PPP4R4: variants seen among roughly 807,000 people sequenced by gnomAD.
The protein encoded by PPP4R4 is protein phosphatase 4 regulatory subunit 4, also known as serine/threonine-protein phosphatase 4 regulatory subunit 4.
Under a neutral mutation model 121.8 loss-of-function variants are expected in PPP4R4, and 70 were observed. The observed-to-expected ratio is 0.57, with a 90% CI of 0.47 to 0.70. PPP4R4 has a LOEUF of 0.70. Among genes scored for constraint, PPP4R4 ranks in the 30% least tolerant of loss-of-function variants. The probability of loss-of-function intolerance (pLI) is 0.00; values close to 1 mark genes in which losing one functional copy is unlikely to be tolerated. For missense variants in PPP4R4, 875 were observed against 1,033.6 expected (o/e 0.85, Z 2.10); for synonymous variants, 348 against 355.7 (o/e 0.98, Z 0.24).
chr14:94,269,629 C>T (rs776297065), intron 23 of PPP4R4, among the ~76,000 whole-genome samples: 12 of 150,262 alleles, frequency 8.0e-5, no homozygotes, highest in Admixed American at 7.3e-4. Flanking sequence ...TGCAGTGAGC[C>T]GGGAGAGAGA....
At chr14:94,248,822 C>T (rs1394959565) in intron 14 of PPP4R4, among the ~76,000 whole-genome samples, 1 of 152,094 alleles carries the variant, frequency 6.6e-6, no homozygotes, top group Non-Finnish European at 1.5e-5. Context: ...AATGTAAAGA[C>T]AGGATGAATT....
intron 7 of PPP4R4, 82 bp from the exon 8 acceptor site, chr14:94,237,483 C>T (rs1468746770): frequency 4.5e-6 from 6 of 1,325,806 alleles, no homozygotes; most frequent in Non-Finnish European, 6.3e-6. Flanking sequence ...TCTGCAGCAA[C>T]TAGCCCAGTC....
intron 14 of PPP4R4, among the ~76,000 whole-genome samples, chr14:94,248,886 G>C (rs1893033972): frequency 6.6e-6 from 1 of 152,176 alleles, no homozygotes; most frequent in Admixed American, 6.5e-5. Context: ...TGGCGTAGTA[G>C]CTATTTTTAA....
intron 2 of PPP4R4, among the ~76,000 whole-genome samples, chr14:94,184,293 T>C (rs560573553): frequency 6.6e-6 from 1 of 152,212 alleles, no homozygotes; most frequent in Admixed American, 6.5e-5. Context: ...ACGGTCTTGC[T>C]CTGTTCCCAG....
At chr14:94,192,609 A>T (rs1889659248) in intron 2 of PPP4R4, among the ~76,000 whole-genome samples, 1 of 152,176 alleles carries the variant, frequency 6.6e-6, no homozygotes, top group Non-Finnish European at 1.5e-5. Context: ...TTTGGATTTT[A>T]AGTGAGAGCT....
rs147710375 is a variant in PPP4R4, at chr14:94,242,153, T to C, written c.1147-136T>C. On this transcript the variant is annotated intron_variant, in intron 10 of 24. Transcript: ENST00000304338. Reference sequence around the variant, plus strand: ...TCAGAATAATAGACACATATTTGGATCTTCCAAATATGATTTTTAGTTAAA... The same window carrying C: ...TCAGAATAATAGACACATATTTGGACCTTCCAAATATGATTTTTAGTTAAA... 52 of 1,221,312 alleles carry C rather than the reference T, an allele frequency of 4.3e-5. No homozygotes were observed. The African/African-American group carries it at 5.2e-4, about 12-fold the overall frequency. The allele number at this position is 1,221,312 out of a possible 1,614,324, so 75.7% of individuals were successfully genotyped here. A position where few individuals can be genotyped will look rare whatever the true frequency, so the allele number is the denominator to read the frequency against.
At chr14:94,174,930 C>CG (rs1477888142) in intron 1 of PPP4R4, among the ~76,000 whole-genome samples, 1 of 148,526 alleles carries the variant, frequency 6.7e-6, no homozygotes, top group Non-Finnish European at 1.5e-5. Flanking sequence ...CTCCAGCCCT[C>CG]GGGGCAGCCC....
chr14:94,244,721 T>C lies in PPP4R4; in HGVS notation c.1344+9T>C. The C allele has an allele frequency of 6.7e-7, 1 of 1,485,106 alleles. No individual in the cohort carries two copies. The highest frequency in any genetic ancestry group is 9.1e-7 in the Non-Finnish European group (1 of 1,102,330). 92.0% of individuals were successfully genotyped at this position (1,485,106 alleles called of 1,614,324 possible). A position where few individuals can be genotyped will look rare whatever the true frequency, so the allele number is the denominator to read the frequency against. On this transcript the variant is annotated intron_variant, in intron 12 of 24. Coordinates refer to ENST00000304338, the MANE Select transcript of PPP4R4 (RefSeq NM_058237.2). ...AAGATGAATCACTGGAGGTAATATTTTCTTACTCTTTGATTTTTAATTCTT... is the reference window on the plus strand; with the variant it reads ...AAGATGAATCACTGGAGGTAATATTCTCTTACTCTTTGATTTTTAATTCTT...
intron 2 of PPP4R4, among the ~76,000 whole-genome samples, chr14:94,194,248 G>T (rs1889747492): frequency 6.6e-6 from 1 of 152,154 alleles, no homozygotes; most frequent in Non-Finnish European, 1.5e-5. Context: ...GTACAGATTA[G>T]ATGATTAACC....
chr14:94,207,710 C>A (rs1318168435), intron 2 of PPP4R4, among the ~76,000 whole-genome samples: 3 of 150,286 alleles, frequency 2.0e-5, no homozygotes, highest in Admixed American at 6.7e-5. Context: ...ATCTATCTAT[C>A]TATATATATA....
chr14:94,176,838 C>T (rs183184263), intron 2 of PPP4R4, among the ~76,000 whole-genome samples: 4 of 152,154 alleles, frequency 2.6e-5, no homozygotes, highest in South Asian at 4.1e-4. Flanking sequence ...CAGCATTTTG[C>T]GTTTATTTAA....
intron 2 of PPP4R4, among the ~76,000 whole-genome samples, chr14:94,201,912 T>C (rs139242303): frequency 6.7e-6 from 1 of 148,886 alleles, no homozygotes; most frequent in African/African-American, 2.6e-5. Context: ...AGTCAATGAG[T>C]AGATAAAGAA....
At chr14:94,258,855 G>T (rs1403359263) in intron 18 of PPP4R4, 31 bp downstream of exon 18, 1 of 1,554,792 alleles carries the variant, frequency 6.4e-7, no homozygotes, top group Non-Finnish European at 8.8e-7. Flanking sequence ...TTATTGTGTT[G>T]GTCCATTTTC....
chr14:94,205,738 T>C (rs1201524850), intron 2 of PPP4R4, among the ~76,000 whole-genome samples: 1 of 151,914 alleles, frequency 6.6e-6, no homozygotes, highest in African/African-American at 2.4e-5. Context: ...CCTTTCTCTT[T>C]GATTCATGGG....
Position 94,208,519 on chromosome 14 carries a change from C to A in PPP4R4, c.247C>A (p.Arg83=). 6.2e-7 allele frequency: 1 copy of A among 1,611,464 alleles called. No individual in the cohort carries two copies. The highest frequency in any genetic ancestry group is 8.5e-7 in the Non-Finnish European group (1 of 1,178,216). The part of the protein sequence containing the change: ...SVIANLPFLM[R]QNPTETLRRV... ...GATTGCAAATCTCCCATTTTTGATG[C>A]GACAGAATCCCACTGAGACGCTTCG... is the stretch of plus-strand genomic sequence containing the variant. The change falls in exon 3 of 25, where the codon CGA becomes AGA. Residue 83 remains arginine, a synonymous_variant. Coordinates refer to ENST00000304338, the MANE Select transcript of PPP4R4 (RefSeq NM_058237.2).
chr14:94,198,627 G>C (rs1341676628), intron 2 of PPP4R4, among the ~76,000 whole-genome samples: 1 of 152,140 alleles, frequency 6.6e-6, no homozygotes, highest in Non-Finnish European at 1.5e-5. Flanking sequence ...ATTTTCTGCT[G>C]TTTTCTTCTA....
chr14:94,237,868 G>T (rs995872879), intron 8 of PPP4R4, among the ~76,000 whole-genome samples, 182 bp downstream of exon 8: 1 of 152,038 alleles, frequency 6.6e-6, no homozygotes, highest in African/African-American at 2.4e-5. Flanking sequence ...TCATGGTGTC[G>T]TAGTCCATTT....
At chr14:94,177,809 C>T (rs1010465122) in intron 2 of PPP4R4, among the ~76,000 whole-genome samples, 9 of 152,180 alleles carry the variant, frequency 5.9e-5, no homozygotes, top group Middle Eastern at 3.2e-3. Context: ...ACATCAGTTT[C>T]GCTCAGTTCT....
Position 94,242,420 on chromosome 14 carries a change from G to C in PPP4R4, c.1266+12G>C, listed in dbSNP as rs1892683049. On this transcript the variant is annotated intron_variant, in intron 11 of 24. Coordinates refer to ENST00000304338, the MANE Select transcript of PPP4R4 (RefSeq NM_058237.2). ...TTTGCTTTTATGAAGTAAGTCTGAA[G>C]ACTTGATATCACTTTACGTTTGTTG... 2 of 1,602,800 alleles carry C rather than the reference G, an allele frequency of 1.2e-6. No homozygotes were observed. Among genetic ancestry groups the C allele is most frequent in the Non-Finnish European group, 1.7e-6 (2 of 1,170,356 alleles).
Sources: gnomAD v4.1 joint callset for allele counts (sites outside exome capture counted in the v4.1 genomes callset) on GRCh38, gnomAD v4.1.1 for gene constraint, MANE v1.5 for transcripts, NCBI Gene and HGNC (gene_info 2026-07-23, HGNC 2026-07-21) for gene names.